PDE1A: variants seen among roughly 807,000 people sequenced by gnomAD.
PDE1A encodes dual specificity calcium/calmodulin-dependent 3',5'-cyclic nucleotide phosphodiesterase 1A.
A neutral mutation model predicts 61.7 loss-of-function variants in PDE1A; 35 were observed. The ratio of observed to expected loss-of-function variants is 0.57; its 90% CI spans 0.43 to 0.75. The LOEUF (loss-of-function observed/expected upper bound fraction) is 0.75. Among genes scored for constraint, PDE1A ranks in the 30% least tolerant of loss-of-function variants. The probability of loss-of-function intolerance (pLI) is 0.00; values close to 1 mark genes in which losing one functional copy is unlikely to be tolerated. For synonymous variants in PDE1A, 232 were observed against 213.2 expected, an observed-to-expected ratio of 1.09 and a Z score of -0.77; for missense variants, 597 against 630.6, an observed-to-expected ratio of 0.95 and a Z score of 0.57.
intron 2 of PDE1A, among the ~76,000 whole-genome samples, chr2:182,511,667 AAT>A (rs1388439604): frequency 1.3e-5 from 2 of 152,308 alleles, no homozygotes; most frequent in East Asian, 3.9e-4. Context: ...TGTTGACTCA[AAT>A]CTAGACAGAA....
At chr2:182,668,339 T>G in the PDE1A span, among the ~76,000 whole-genome samples, 1 of 152,164 alleles carries the variant, frequency 6.6e-6, no homozygotes, top group South Asian at 2.1e-4. Flanking sequence ...AACCATGGAC[T>G]TAGGCAGAGG....
rs756862851 is a variant in PDE1A, at chr2:182,240,083, T to C, written c.350+27A>G. On this transcript the variant is annotated intron_variant, in intron 3 of 13. Transcript: ENST00000351439. ...ATCTGCTGCCTTTCAAATGTTACTG[T>C]CTTGAGATACCAACAATTTCACTTA... 47 of 1,600,600 alleles carry C rather than the reference T, an allele frequency of 2.9e-5. No individual in the cohort carries two copies. The South Asian group carries it at 5.2e-4, about 18-fold the overall frequency.
chr2:182,363,858 C>T (rs980888582), intron 1 of PDE1A, among the ~76,000 whole-genome samples: 4 of 151,888 alleles, frequency 2.6e-5, no homozygotes, highest in Non-Finnish European at 4.4e-5. Flanking sequence ...ATGTGTACCA[C>T]GAACTATGCA....
At chr2:182,473,840 T>C (rs1486720426) in intron 2 of PDE1A, among the ~76,000 whole-genome samples, 5 of 152,008 alleles carry the variant, frequency 3.3e-5, no homozygotes, top group African/African-American at 4.8e-5. Flanking sequence ...CATGGGTGTA[T>C]AATATTCCAT....
chr2:182,221,165 A>T (rs1418068314), intron 7 of PDE1A, among the ~76,000 whole-genome samples: 1 of 151,918 alleles, frequency 6.6e-6, no homozygotes, highest in Non-Finnish European at 1.5e-5. Context: ...TAAGTAAATC[A>T]GGACTCTTCA....
intron 13 of PDE1A, among the ~76,000 whole-genome samples, chr2:182,162,097 T>C (rs1425074822): frequency 6.6e-6 from 1 of 152,160 alleles, no homozygotes; most frequent in African/African-American, 2.4e-5. Flanking sequence ...TTCACTAATA[T>C]TTTAAGAAAT....
the PDE1A span, among the ~76,000 whole-genome samples, chr2:182,557,579 T>C: frequency 6.6e-6 from 1 of 151,900 alleles, no homozygotes; most frequent in Non-Finnish European, 1.5e-5. Context: ...AGGTATGGTG[T>C]CATGCACTGG....
intron 4 of PDE1A, among the ~76,000 whole-genome samples, chr2:182,233,775 CCA>C (rs4018725): frequency 0.074 from 10,864 of 147,096 alleles, 500 homozygotes; most frequent in African/African-American, 0.13. Context: ...CACATGAACA[CCA>C]CACACACACA....
At chr2:182,184,571 A>G (rs886275861) in intron 13 of PDE1A, among the ~76,000 whole-genome samples, 8 of 152,208 alleles carry the variant, frequency 5.3e-5, no homozygotes, top group Admixed American at 1.3e-4. Context: ...ATAAGAAAAT[A>G]CTTGAGAAAG....
chr2:182,218,877 C>G (rs549188208), intron 7 of PDE1A, among the ~76,000 whole-genome samples: 3 of 151,786 alleles, frequency 2.0e-5, no homozygotes, highest in African/African-American at 7.3e-5. Context: ...GTGTTTATGG[C>G]TTTTCCTTCT....
At chr2:182,371,036 G>T (rs2125244136) in intron 1 of PDE1A, among the ~76,000 whole-genome samples, 2 of 152,200 alleles carry the variant, frequency 1.3e-5, no homozygotes, top group Middle Eastern at 3.4e-3. Flanking sequence ...GAAATACAAA[G>T]AAAAAGTTTT....
chr2:182,322,932 G>T (rs927255343), intron 1 of PDE1A, among the ~76,000 whole-genome samples: 8 of 152,106 alleles, frequency 5.3e-5, no homozygotes, highest in Non-Finnish European at 8.8e-5. Flanking sequence ...TTAATTACAT[G>T]TTAGTTGATT....
At chr2:182,308,735 T>C (rs896319353) in intron 1 of PDE1A, among the ~76,000 whole-genome samples, 4 of 152,104 alleles carry the variant, frequency 2.6e-5, no homozygotes, top group African/African-American at 9.6e-5. Context: ...TTATAAAGTA[T>C]GAAAGCCTTT....
intron 1 of PDE1A, 50 bp downstream of exon 1, chr2:182,426,528 A>G: frequency 8.0e-7 from 1 of 1,244,658 alleles, no homozygotes; most frequent in South Asian, 1.2e-5. Flanking sequence ...GAAGGGAGAA[A>G]CTATTGTTCC....
intron 2 of PDE1A, among the ~76,000 whole-genome samples, chr2:182,454,272 T>C (rs979190351): frequency 1.3e-5 from 2 of 151,912 alleles, no homozygotes; most frequent in Non-Finnish European, 2.9e-5. Context: ...TAAAAGAGGA[T>C]ACAAACAAAT....
intron 2 of PDE1A, among the ~76,000 whole-genome samples, chr2:182,243,146 A>G (rs562554235): frequency 6.6e-6 from 1 of 152,258 alleles, no homozygotes; most frequent in South Asian, 2.1e-4. Flanking sequence ...CTTTTTAGCA[A>G]TTATAAATCT....
At chr2:182,449,705 T>TA (rs1164646516) in intron 2 of PDE1A, among the ~76,000 whole-genome samples, 3 of 152,100 alleles carry the variant, frequency 2.0e-5, no homozygotes, top group Non-Finnish European at 4.4e-5. Context: ...CTAGTATTCA[T>TA]AAAATCAGAT....
At chr2:182,619,697 A>G in the PDE1A span, among the ~76,000 whole-genome samples, 28 of 152,306 alleles carry the variant, frequency 1.8e-4, no homozygotes, top group East Asian at 4.2e-3. Context: ...AAGTGTTATT[A>G]GACATGCAAG....
chr2:182,586,940 G>A, the PDE1A span, among the ~76,000 whole-genome samples: 4 of 152,094 alleles, frequency 2.6e-5, no homozygotes, highest in Non-Finnish European at 4.4e-5. Context: ...TATATGAAGA[G>A]ATAAAAACAA....
Sources: gnomAD v4.1 joint callset for allele counts (sites outside exome capture counted in the v4.1 genomes callset) on GRCh38, gnomAD v4.1.1 for gene constraint, MANE v1.5 for transcripts, NCBI Gene and HGNC (gene_info 2026-07-23, HGNC 2026-07-21) for gene names.